GALNTL6: variants seen among roughly 807,000 people sequenced by gnomAD.
The protein encoded by GALNTL6 is polypeptide N-acetylgalactosaminyltransferase-like 6.
Under a neutral mutation model 73.7 loss-of-function variants are expected in GALNTL6, and 46 were observed. The ratio of observed to expected loss-of-function variants is 0.62; its 90% CI spans 0.49 to 0.80. The LOEUF (loss-of-function observed/expected upper bound fraction) is 0.80. Among genes scored for constraint, GALNTL6 ranks in the 30% least tolerant of loss-of-function variants. The probability of loss-of-function intolerance (pLI) is 0.00; values close to 1 mark genes in which losing one functional copy is unlikely to be tolerated. For synonymous variants in GALNTL6, 259 were observed against 263.7 expected, an observed-to-expected ratio of 0.98 and a Z score of 0.17; for missense variants, 604 against 755.0, an observed-to-expected ratio of 0.80 and a Z score of 2.34.
At chr4:172,215,577 A>G (rs1244069834) in intron 2 of GALNTL6, among the ~76,000 whole-genome samples, 1 of 152,094 alleles carries the variant, frequency 6.6e-6, no homozygotes, top group African/African-American at 2.4e-5. Flanking sequence ...ACCTTTCTCC[A>G]TCTTTTTTAC....
At chr4:172,469,352 C>A (rs886849911) in intron 5 of GALNTL6, among the ~76,000 whole-genome samples, 1 of 151,974 alleles carries the variant, frequency 6.6e-6, no homozygotes, top group East Asian at 1.9e-4. Context: ...ATGTCTGAAA[C>A]CCCAGCACTC....
chr4:173,026,951 C>T (rs74960941), intron 12 of GALNTL6, among the ~76,000 whole-genome samples: 2,074 of 152,190 alleles, frequency 0.014, 56 homozygotes, highest in African/African-American at 0.047. Flanking sequence ...TTCTACATTT[C>T]GGTTTATAAT....
chr4:172,983,707 T>C (rs1052103214), intron 10 of GALNTL6, among the ~76,000 whole-genome samples: 3 of 152,032 alleles, frequency 2.0e-5, no homozygotes, highest in African/African-American at 7.2e-5. Context: ...AAAAAATATA[T>C]ATATATGAAT....
intron 2 of GALNTL6, among the ~76,000 whole-genome samples, chr4:172,206,819 T>TTTTG (rs1554003022): frequency 7.5e-5 from 5 of 66,338 alleles, no homozygotes; most frequent in Admixed American, 5.3e-4. Context: ...TTTTTGTTTG[T>TTTTG]TTTTTTTTTT....
intron 2 of GALNTL6, among the ~76,000 whole-genome samples, chr4:171,844,954 G>T (rs2110850051): frequency 6.6e-6 from 1 of 152,182 alleles, no homozygotes; most frequent in African/African-American, 2.4e-5. Context: ...CAGCCTATCT[G>T]CAGGTTTGCT....
chr4:172,151,489 C>T (rs780126420), intron 2 of GALNTL6, among the ~76,000 whole-genome samples: 97 of 152,014 alleles, frequency 6.4e-4, no homozygotes, highest in African/African-American at 2.1e-3. Context: ...ACAAAATGAA[C>T]GCAGAGATTT....
intron 3 of GALNTL6, among the ~76,000 whole-genome samples, chr4:172,267,032 C>G (rs1171761362): frequency 2.0e-5 from 3 of 152,062 alleles, no homozygotes; most frequent in Non-Finnish European, 4.4e-5. Flanking sequence ...ATTCAGTTGT[C>G]CCTTGGATGA....
chr4:172,612,069 A>G (rs532376726), intron 5 of GALNTL6, among the ~76,000 whole-genome samples: 2 of 152,218 alleles, frequency 1.3e-5, no homozygotes, highest in South Asian at 4.1e-4. Context: ...GCATAAAGGT[A>G]TAGGATAAAT....
chr4:172,346,755 G>GTGAA (rs1561038056), intron 4 of GALNTL6, among the ~76,000 whole-genome samples: 4 of 152,034 alleles, frequency 2.6e-5, no homozygotes, highest in African/African-American at 2.4e-5. Flanking sequence ...TGTGACATGA[G>GTGAA]TGAATGAATG....
At chr4:172,938,877 C>T (rs1748764926) in intron 9 of GALNTL6, among the ~76,000 whole-genome samples, 1 of 152,230 alleles carries the variant, frequency 6.6e-6, no homozygotes, top group Non-Finnish European at 1.5e-5. Context: ...AAAGCAATAA[C>T]TTTCTCTAAT....
chr4:172,537,006 C>T (rs763068626), intron 5 of GALNTL6, among the ~76,000 whole-genome samples: 3 of 152,134 alleles, frequency 2.0e-5, no homozygotes, highest in African/African-American at 7.2e-5. Flanking sequence ...GCCAATTTCT[C>T]CCATTTGGAA....
chr4:172,714,070 A>G (rs552135885), intron 5 of GALNTL6, among the ~76,000 whole-genome samples: 2 of 152,266 alleles, frequency 1.3e-5, no homozygotes, highest in Non-Finnish European at 2.9e-5. Flanking sequence ...TACAAAAAGT[A>G]GTTGAGTGTG....
intron 5 of GALNTL6, among the ~76,000 whole-genome samples, chr4:172,559,786 A>G (rs1361911362): frequency 1.3e-5 from 2 of 152,226 alleles, no homozygotes; most frequent in African/African-American, 4.8e-5. Flanking sequence ...AATTCTGCCT[A>G]AATATAATGT....
At chr4:172,816,165 G>A (rs530588106) in intron 7 of GALNTL6, among the ~76,000 whole-genome samples, 2 of 152,332 alleles carry the variant, frequency 1.3e-5, no homozygotes, top group East Asian at 3.9e-4. Context: ...TGGGAAGACA[G>A]GGAGAGGAGG....
chr4:172,149,519 G>A (rs1457409493), intron 2 of GALNTL6, among the ~76,000 whole-genome samples: 1 of 151,970 alleles, frequency 6.6e-6, no homozygotes, highest in Non-Finnish European at 1.5e-5. Context: ...ACTCCAGTAT[G>A]CCATTTCAAG....
chr4:172,848,643 A>C, intron 7 of GALNTL6, among the ~76,000 whole-genome samples: 1 of 152,150 alleles, frequency 6.6e-6, no homozygotes. Context: ...CAGCCAAGAG[A>C]GTTAGGGGAT....
chr4:172,590,452 G>A (rs1329439411), intron 5 of GALNTL6, among the ~76,000 whole-genome samples: 1 of 151,910 alleles, frequency 6.6e-6, no homozygotes. Flanking sequence ...CCACACCTTT[G>A]GAAATCAACT....
chr4:172,468,051 C>T (rs1352825829), intron 5 of GALNTL6, among the ~76,000 whole-genome samples: 2 of 151,818 alleles, frequency 1.3e-5, no homozygotes, highest in African/African-American at 4.8e-5. Flanking sequence ...CACCACCACA[C>T]CCTGCTATTT....
intron 2 of GALNTL6, among the ~76,000 whole-genome samples, chr4:172,094,222 G>T (rs4692911): frequency 9.3e-4 from 142 of 152,188 alleles, no homozygotes; most frequent in Admixed American, 8.9e-3. Flanking sequence ...AACTTCTGTA[G>T]AATATGTTTC....
Sources: gnomAD v4.1 joint callset for allele counts (sites outside exome capture counted in the v4.1 genomes callset) on GRCh38, gnomAD v4.1.1 for gene constraint, MANE v1.5 for transcripts, NCBI Gene and HGNC (gene_info 2026-07-23, HGNC 2026-07-21) for gene names.